The following CCDC187 variants were observed in gnomAD, a reference collection of about 807,000 sequenced individuals.
The protein encoded by CCDC187 is coiled-coil domain-containing protein 187.
In CCDC187, 32 loss-of-function variants were observed where a neutral mutation model predicts 38.0. The ratio of observed to expected loss-of-function variants is 0.84; its 90% confidence interval spans 0.64 to 1.13. CCDC187 has a LOEUF of 1.13. CCDC187 is among the 50% of genes most tolerant of loss of function. CCDC187 has a pLI of 0.00. For missense variants in CCDC187, 707 were observed against 786.8 expected, an observed-to-expected ratio of 0.90 and a Z score of 1.21; for synonymous variants, 333 against 347.9, an observed-to-expected ratio of 0.96 and a Z score of 0.48.
chr9:136,272,081 C>T (rs774954592), intron 14 of CCDC187, among the ~76,000 whole-genome samples: 4 of 151,928 alleles, frequency 2.6e-5, no homozygotes, highest in African/African-American at 4.8e-5. Context: ...GGAAAGAGTA[C>T]GTCAAAAACA....
In CCDC187 at chr9:136,258,644, C is replaced by T; in HGVS notation, c.4366+288G>A. 1 of 964,484 alleles carries T rather than the reference C, an allele frequency of 1.0e-6. No homozygotes were observed. The highest frequency in any genetic ancestry group is 1.2e-6 in the Non-Finnish European group (1 of 810,878). The allele number at this position is 964,484 out of a possible 1,614,324, so 59.7% of individuals were successfully genotyped here. A position where few individuals can be genotyped will look rare whatever the true frequency, so the allele number is the denominator to read the frequency against. On this transcript the variant is annotated intron_variant, in intron 22 of 25. Coordinates refer to ENST00000638797, the MANE Select transcript of CCDC187 (RefSeq NM_001378188.1). This position sits in a 1 kb window ranked among gnomAD's most constrained non-coding sequence, Gnocchi z 4.3. ...CTCAGGCAGTGCTGGCTTCCAAACA[C>T]TTAAAAATCTGCCCCAGATGAACGA...
In CCDC187 at chr9:136,300,439, G is replaced by T. The variant is rs944552220; in HGVS notation, c.626-121C>A. 2.1e-5 allele frequency: 8 copies of T among 385,186 alleles called. No homozygotes were observed. In the Admixed American group the frequency reaches 2.7e-4, roughly 13 times the overall value. 23.9% of individuals were successfully genotyped at this position (385,186 alleles called of 1,614,324 possible). A position where few individuals can be genotyped will look rare whatever the true frequency, so the allele number is the denominator to read the frequency against. ...TTATTTATTTATTTACTTGAGACAG[G>T]GTCTCACTCTGTCACCCAAGCTGGA... On this transcript the variant is annotated intron_variant, in intron 2 of 25. Transcript: ENST00000638797.
At position 136,254,368 on chromosome 9, in the gene CCDC187, G is replaced by T. The variant is rs558403506; in HGVS notation, c.5460C>A (p.Ser1820Arg). The stretch of plus-strand genomic sequence containing the variant: ...TGCCGCTTCTGACACCCCCTTTCAG[G>T]CTCTCGCTGGTCCCAGAAGCTTCCC... ...EGREASGTSE[S>R]LKGGVRSGME... The change falls in exon 26 of 26, where the codon AGC becomes AGA. Residue 1820 changes from serine to arginine, a missense_variant. Transcript: ENST00000638797. 1 of 984,706 alleles carries T rather than the reference G, an allele frequency of 1.0e-6. No homozygotes were observed. Among genetic ancestry groups the T allele is most frequent in the Non-Finnish European group, 1.2e-6 (1 of 829,574 alleles). 61.0% of individuals were successfully genotyped at this position (984,706 alleles called of 1,614,324 possible).
At chr9:136,289,792 C>T (rs1336229896) in intron 7 of CCDC187, among the ~76,000 whole-genome samples, 167 bp downstream of exon 7, 1 of 152,180 alleles carries the variant, frequency 6.6e-6, no homozygotes, top group Non-Finnish European at 1.5e-5. Context: ...CCGCCTCCTC[C>T]AAGCAGGCAG....
At chr9:136,282,332 G>A (rs1831064962) in intron 9 of CCDC187, among the ~76,000 whole-genome samples, 1 of 152,242 alleles carries the variant, frequency 6.6e-6, no homozygotes, top group Admixed American at 6.5e-5. Context: ...AGAGCCAGGA[G>A]CCAGGTGTGG....
At chr9:136,293,278 A>C (rs977006509) in intron 4 of CCDC187, among the ~76,000 whole-genome samples, 18 of 120,182 alleles carry the variant, frequency 1.5e-4, no homozygotes, top group Admixed American at 8.9e-5. Flanking sequence ...CTTTCACACT[A>C]ACATGCTCAC....
At chr9:136,265,140 G>C (rs1300708945) in intron 17 of CCDC187, among the ~76,000 whole-genome samples, 1 of 152,178 alleles carries the variant, frequency 6.6e-6, no homozygotes, top group Non-Finnish European at 1.5e-5. Context: ...CAGCGGCCGC[G>C]ACCTGTGAGG....
At chr9:136,270,295 C>T (rs545251433) in intron 14 of CCDC187, among the ~76,000 whole-genome samples, 3 of 152,082 alleles carry the variant, frequency 2.0e-5, no homozygotes, top group South Asian at 2.1e-4. Context: ...TGGCTGGGCA[C>T]GCTCATATTT....
At chr9:136,265,028 G>A (rs1247144721) in intron 17 of CCDC187, among the ~76,000 whole-genome samples, 2 of 152,126 alleles carry the variant, frequency 1.3e-5, no homozygotes, top group Admixed American at 6.5e-5. Flanking sequence ...CTGGAATTAC[G>A]GATGAACTGC....
intron 8 of CCDC187, 145 bp downstream of exon 8, chr9:136,285,940 G>T (rs1242334210): frequency 2.5e-6 from 1 of 397,496 alleles, no homozygotes; most frequent in Non-Finnish European, 4.4e-6. Context: ...ACACTATGCT[G>T]CTCAGACCCC....
intron 10 of CCDC187, among the ~76,000 whole-genome samples, chr9:136,279,685 T>A (rs939315148): frequency 1.3e-5 from 2 of 152,182 alleles, no homozygotes; most frequent in African/African-American, 4.8e-5. Flanking sequence ...ACCCGGGCAC[T>A]CTGGGAAGCT....
rs1276121347 is a variant in CCDC187, at chr9:136,252,358, C to T, written c.*1236G>A. 4.2e-5 allele frequency: 8 copies of T among 188,726 alleles called. No individual in the cohort carries two copies. Among genetic ancestry groups the T allele is most frequent in the African/African-American group, 1.5e-4 (6 of 40,900 alleles). 11.7% of individuals were successfully genotyped at this position (188,726 alleles called of 1,614,324 possible). On this transcript the variant is annotated 3_prime_UTR_variant, in exon 26 of 26. Coordinates refer to ENST00000638797, the MANE Select transcript of CCDC187 (RefSeq NM_001378188.1). ...GGTCCAGGCGACCATCCCGCACAGC[C>T]GGCCGCCCACCCCGTCCACCAGGGG...
chr9:136,284,767 C>G (rs879193238), intron 9 of CCDC187, among the ~76,000 whole-genome samples: 29,846 of 151,548 alleles, frequency 0.2, 3,478 homozygotes, highest in African/African-American at 0.31. Flanking sequence ...CAAACGTGTT[C>G]ACAAATCCCC....
intron 3 of CCDC187, among the ~76,000 whole-genome samples, chr9:136,298,418 G>A (rs1175930722): frequency 2.7e-5 from 4 of 146,672 alleles, no homozygotes; most frequent in Admixed American, 2.0e-4. Flanking sequence ...GTCCCGCAGC[G>A]AGTGCAGCGG....
At chr9:136,301,586 C>CTT (rs1207423796) in intron 2 of CCDC187, among the ~76,000 whole-genome samples, 9,377 of 126,470 alleles carry the variant, frequency 0.074, 656 homozygotes, top group Non-Finnish European at 0.098. Context: ...GCATACGTTA[C>CTT]TTTTTTTTTT....
At chr9:136,286,734 G>A (rs942054147) in intron 7 of CCDC187, 39 bp from the exon 8 acceptor site, 26 of 398,620 alleles carry the variant, frequency 6.5e-5, no homozygotes, top group African/African-American at 3.7e-4. Flanking sequence ...GCTCAGGCTC[G>A]GTCGCCCCAG....
chr9:136,294,591 G>A (rs957573168), intron 4 of CCDC187, among the ~76,000 whole-genome samples: 13 of 152,280 alleles, frequency 8.5e-5, no homozygotes, highest in South Asian at 4.1e-4. Flanking sequence ...GCAGGCTCCC[G>A]GACTGAGTCA....
intron 19 of CCDC187, 33 bp downstream of exon 19, chr9:136,262,278 C>T (rs1242387790): frequency 2.3e-5 from 23 of 985,816 alleles, no homozygotes; most frequent in Middle Eastern, 5.2e-4. Context: ...GTCCAGACCC[C>T]GACCCCCGAC....
At chr9:136,274,068 C>A (rs1197367025) in intron 14 of CCDC187, among the ~76,000 whole-genome samples, 2 of 152,218 alleles carry the variant, frequency 1.3e-5, no homozygotes, top group Non-Finnish European at 2.9e-5. Context: ...CAGGGAAAGC[C>A]GCTCAAAGGA....
Sources: allele counts gnomAD v4.1 joint callset (sites outside exome capture counted in the v4.1 genomes callset), GRCh38; gene constraint gnomAD v4.1.1; non-coding constraint Gnocchi (gnomAD v3.1); transcripts MANE v1.5; gene names NCBI Gene and HGNC (gene_info 2026-07-23, HGNC 2026-07-21).